The following SLCO1B3 variants were observed in gnomAD, a reference collection of about 807,000 sequenced individuals.
SLCO1B3 encodes liver-specific organic anion transporter 2.
Under a neutral mutation model 71.8 loss-of-function variants are expected in SLCO1B3, and 72 were observed. The observed-to-expected ratio is 1.00, with a 90% CI of 0.83 to 1.22. The LOEUF (loss-of-function observed/expected upper bound fraction) is 1.22, where lower values mean the gene tolerates loss of function less well. Among genes scored for constraint, SLCO1B3 ranks in the 50% most tolerant of loss-of-function variants. SLCO1B3 has a pLI of 0.00. For missense variants in SLCO1B3, 911 were observed against 819.7 expected (o/e 1.11, Z -1.36); for synonymous variants, 298 against 278.4 (o/e 1.07, Z -0.70).
intron 13 of SLCO1B3, among the ~76,000 whole-genome samples, chr12:20,886,624 C>T (rs577003807): frequency 1.3e-5 from 2 of 152,022 alleles, no homozygotes; most frequent in South Asian, 2.1e-4. Flanking sequence ...AGAAAGTGAC[C>T]ATTGGATTTC....
At position 20,815,697 on chromosome 12, in the gene SLCO1B3, A is replaced by G. The variant is rs1864179422; in HGVS notation, c.-42A>G. 2 of 1,251,400 alleles carry G rather than the reference A, an allele frequency of 1.6e-6. No homozygotes were observed. Among genetic ancestry groups the G allele is most frequent in the South Asian group, 1.3e-5 (1 of 79,046 alleles). 77.5% of individuals were successfully genotyped at this position (1,251,400 alleles called of 1,614,324 possible). A position where few individuals can be genotyped will look rare whatever the true frequency, so the allele number is the denominator to read the frequency against. ...AGGTGATCATTTCAAACCAAGCATC[A>G]GCAACAATTAAAAATATTCACTTGG... is the stretch of plus-strand genomic sequence containing the variant. On this transcript the variant is annotated 5_prime_UTR_variant, in exon 3 of 16. Transcript: ENST00000381545.
chr12:20,823,804 C>T (rs1376957698), intron 3 of SLCO1B3, among the ~76,000 whole-genome samples: 1 of 152,088 alleles, frequency 6.6e-6, no homozygotes, highest in Non-Finnish European at 1.5e-5. Flanking sequence ...GTTCCTGGAC[C>T]AGTCAAAAAG....
At chr12:20,821,963 T>C (rs1298542651) in intron 3 of SLCO1B3, among the ~76,000 whole-genome samples, 1 of 112,174 alleles carries the variant, frequency 8.9e-6, no homozygotes, top group Non-Finnish European at 1.9e-5. Flanking sequence ...TGAAGTGTGG[T>C]GTCAAGATTG....
At chr12:20,856,151 A>T (rs769637768) in intron 4 of SLCO1B3, among the ~76,000 whole-genome samples, 1 of 152,202 alleles carries the variant, frequency 6.6e-6, no homozygotes, top group African/African-American at 2.4e-5. Context: ...TTAACGTTTA[A>T]TTCACTGTAT....
At chr12:20,864,085 T>C (rs1865324594) in intron 8 of SLCO1B3, among the ~76,000 whole-genome samples, 1 of 152,188 alleles carries the variant, frequency 6.6e-6, no homozygotes, top group African/African-American at 2.4e-5. Flanking sequence ...TGAATTACTA[T>C]GCCCTGTAAT....
chr12:20,827,806 G>A (rs1410750584), intron 3 of SLCO1B3, among the ~76,000 whole-genome samples: 1 of 152,110 alleles, frequency 6.6e-6, no homozygotes, highest in Middle Eastern at 3.2e-3. Flanking sequence ...CTGACCTCAT[G>A]ATCCGCCCGC....
At chr12:20,908,521 G>A (rs1351647332) in intron 15 of SLCO1B3, among the ~76,000 whole-genome samples, 1 of 152,028 alleles carries the variant, frequency 6.6e-6, no homozygotes, top group African/African-American at 2.4e-5. Flanking sequence ...AAAATCTTCT[G>A]TGCTCTGCCT....
At chr12:20,861,242 G>A (rs1408228589) in intron 6 of SLCO1B3, 104 bp downstream of exon 6, 1 of 1,048,866 alleles carries the variant, frequency 9.5e-7, no homozygotes, top group Non-Finnish European at 1.4e-6. Context: ...AGAACAAATA[G>A]GAAGAACATT....
intron 8 of SLCO1B3, 110 bp from the exon 9 acceptor site, chr12:20,875,125 T>C: frequency 7.9e-7 from 1 of 1,268,266 alleles, no homozygotes; most frequent in Non-Finnish European, 1.1e-6. Context: ...AAGTAAACAT[T>C]TGGTTTACTT....
At chr12:20,852,380 G>C (rs941800859) in intron 3 of SLCO1B3, among the ~76,000 whole-genome samples, 14 of 152,156 alleles carry the variant, frequency 9.2e-5, no homozygotes, top group Admixed American at 5.2e-4. Flanking sequence ...TGAGGAGGCT[G>C]AGGTGGGAGG....
rs369045586 is a variant in SLCO1B3 at position 20,879,544 on chromosome 12, C to T, written c.1244C>T (p.Ser415Leu). The T allele has an allele frequency of 5.0e-5, 80 of 1,611,854 alleles. No individual in the cohort carries two copies. The highest frequency in any genetic ancestry group is 1.7e-4 in the Middle Eastern group (1 of 6,034). The change falls in exon 11 of 16, where the codon TCG (serine) becomes TTG (leucine). Residue 415 changes from serine (S) to leucine (L), a missense_variant. Transcript: ENST00000381545. ...VGIAKFSFLT[S>L]MISFLFQLLY... Reference sequence around the variant, plus strand: ...ATTGCCAAATTTTCATTTCTTACTTCGATGATATCCTTCTTGTTTCAACTT... The same window carrying T: ...ATTGCCAAATTTTCATTTCTTACTTTGATGATATCCTTCTTGTTTCAACTT...
chr12:20,868,877 A>G lies in SLCO1B3; in HGVS notation c.727+6023A>G, dbSNP rs1219374577. ...CCCTTCCCTGCCTGGCAGCCGAGGC[A>G]GAGAAGAGAGAGGAGACAAAGAGAA... On this transcript the variant is annotated intron_variant, in intron 8 of 15. Coordinates refer to ENST00000381545, the MANE Select transcript of SLCO1B3 (RefSeq NM_019844.4). Among the ~76,000 whole-genome samples, 3 of 152,322 alleles carry G rather than the reference A, an allele frequency of 2.0e-5. No homozygotes were observed. In the East Asian group the frequency reaches 5.8e-4, roughly 29 times the overall value.
intron 15 of SLCO1B3, among the ~76,000 whole-genome samples, chr12:20,914,388 C>A (rs187832574): frequency 2.0e-5 from 3 of 151,894 alleles, no homozygotes; most frequent in Admixed American, 6.6e-5. Context: ...ATTATGAGTA[C>A]CCTTATAATA....
intron 13 of SLCO1B3, among the ~76,000 whole-genome samples, chr12:20,895,418 A>G (rs1036916112): frequency 9.9e-5 from 15 of 152,166 alleles, no homozygotes; most frequent in African/African-American, 3.4e-4. Context: ...GCCTTTCCAA[A>G]TGGGAGAAAT....
chr12:20,832,440 A>G (rs1004855091), intron 3 of SLCO1B3, among the ~76,000 whole-genome samples: 3 of 152,020 alleles, frequency 2.0e-5, no homozygotes, highest in African/African-American at 7.2e-5. Flanking sequence ...TGCTCTTCAA[A>G]TTACCTGTAC....
At chr12:20,825,798 CAAAA>C (rs3060437) in intron 3 of SLCO1B3, among the ~76,000 whole-genome samples, 3 of 86,240 alleles carry the variant, frequency 3.5e-5, no homozygotes, top group Admixed American at 2.8e-4. Context: ...GACTCTGTCT[CAAAA>C]AAAAAAAAAA....
At chr12:20,882,776 G>T (rs1865717573) in intron 12 of SLCO1B3, among the ~76,000 whole-genome samples, 1 of 152,100 alleles carries the variant, frequency 6.6e-6, no homozygotes, top group Non-Finnish European at 1.5e-5. Flanking sequence ...TAAATCTTTA[G>T]CCTAGAATCA....
chr12:20,879,031 GA>G (rs1437441021), intron 10 of SLCO1B3, among the ~76,000 whole-genome samples: 1 of 151,762 alleles, frequency 6.6e-6, no homozygotes. Flanking sequence ...TTGATTGCCA[GA>G]AAAAAAGAAA....
chr12:20,842,738 T>C (rs572464147), intron 3 of SLCO1B3, among the ~76,000 whole-genome samples: 1 of 152,366 alleles, frequency 6.6e-6, no homozygotes, highest in South Asian at 2.1e-4. Context: ...TGCCTTTTAA[T>C]GTTTTCTTAT....
Sources: allele counts gnomAD v4.1 joint callset (sites outside exome capture counted in the v4.1 genomes callset), GRCh38; gene constraint gnomAD v4.1.1; transcripts MANE v1.5; gene names NCBI Gene and HGNC (gene_info 2026-07-23, HGNC 2026-07-21).